VPS8: variants seen among roughly 807,000 people sequenced by gnomAD.
VPS8 encodes vacuolar protein sorting-associated protein 8 homolog.
In VPS8, 129 loss-of-function variants were observed where a neutral mutation model predicts 216.4. The ratio of observed to expected loss-of-function variants is 0.60; its 90% confidence interval spans 0.52 to 0.69. The LOEUF (loss-of-function observed/expected upper bound fraction) is 0.69. Among genes scored for constraint, VPS8 ranks in the 30% least tolerant of loss-of-function variants. The probability of loss-of-function intolerance (pLI) is 0.00; values close to 1 mark genes in which losing one functional copy is unlikely to be tolerated. For synonymous variants in VPS8, 571 were observed against 565.4 expected (o/e 1.01, Z -0.14); for missense variants, 1,531 against 1,683.5 (o/e 0.91, Z 1.59).
chr3:185,020,116 G>A (rs2110055099), intron 45 of VPS8, among the ~76,000 whole-genome samples: 1 of 152,274 alleles, frequency 6.6e-6, no homozygotes, highest in East Asian at 1.9e-4. Context: ...TCAAGTTTGT[G>A]TGCCAAATAT....
At chr3:185,004,208 G>A (rs1364486154) in intron 45 of VPS8, among the ~76,000 whole-genome samples, 2 of 152,074 alleles carry the variant, frequency 1.3e-5, no homozygotes, top group Non-Finnish European at 1.5e-5. Flanking sequence ...GTGAGTGAAC[G>A]AGACTCCGTC....
In VPS8 at chr3:184,976,049, A is replaced by G. The variant is rs528365510; in HGVS notation, c.3420+4297A>G. On this transcript the variant is annotated intron_variant, in intron 40 of 47. Transcript: ENST00000625842. ...ATCTATTGTTCCCATCATTACGTCC[A>G]TGTATACCCAATGTTTAGCTCCCAT... 4.0e-4 allele frequency among the ~76,000 whole-genome samples: 61 copies of G among 152,222 alleles called. 2 individuals carry two copies. The highest frequency in any genetic ancestry group is 2.9e-3 in the South Asian group (14 of 4,828).
chr3:184,890,954 A>G (rs1732227015), intron 22 of VPS8, among the ~76,000 whole-genome samples: 1 of 152,028 alleles, frequency 6.6e-6, no homozygotes, highest in African/African-American at 2.4e-5. Context: ...CATTTTACCT[A>G]TGCAAAATAT....
intron 28 of VPS8, among the ~76,000 whole-genome samples, chr3:184,915,976 T>C (rs976938054): frequency 6.6e-6 from 1 of 152,020 alleles, no homozygotes; most frequent in African/African-American, 2.4e-5. Context: ...TCCCTCTTCC[T>C]CCCTCCCTCC....
In VPS8 at chr3:184,922,717, C is replaced by T. The variant is rs182530605; in HGVS notation, c.2455-2145C>T. ...GGTTAAAGTGTACTTGTGAGGGATC[C>T]GGTGAGAGGAGGAGTATAGGCAGTG... On this transcript the variant is annotated intron_variant, in intron 29 of 47. Transcript: ENST00000625842. Among the ~76,000 whole-genome samples, 110 of 151,958 alleles carry T rather than the reference C, an allele frequency of 7.2e-4. 1 individual carries two copies. The highest frequency in any genetic ancestry group is 2.5e-3 in the African/African-American group (103 of 41,432).
intron 16 of VPS8, among the ~76,000 whole-genome samples, chr3:184,863,426 AAGG>A (rs1726744547): frequency 6.6e-6 from 1 of 152,218 alleles, no homozygotes; most frequent in Non-Finnish European, 1.5e-5. Flanking sequence ...TGATAGATTT[AAGG>A]GATAAATAAC....
At chr3:185,022,203 G>A (rs1293583053) in intron 45 of VPS8, among the ~76,000 whole-genome samples, 3 of 152,118 alleles carry the variant, frequency 2.0e-5, no homozygotes, top group African/African-American at 4.8e-5. Flanking sequence ...AAAGAAGGAC[G>A]TATTTGCTTC....
chr3:184,870,838 C>G, intron 21 of VPS8, 33 bp downstream of exon 21: 7 of 1,554,204 alleles, frequency 4.5e-6, no homozygotes, highest in Non-Finnish European at 6.2e-6. Flanking sequence ...GTAGACGATG[C>G]TCTGGATAGG....
chr3:185,041,609 T>C (rs1198358656), intron 46 of VPS8, among the ~76,000 whole-genome samples: 1 of 152,206 alleles, frequency 6.6e-6, no homozygotes, highest in Non-Finnish European at 1.5e-5. Context: ...ATGGCAGTTA[T>C]CTTCTTTCTC....
rs1051585623 is a variant in VPS8, at chr3:184,834,563, G to C, written c.354-86G>C. The C allele has an allele frequency of 2.7e-5, 27 of 991,326 alleles. No homozygotes were observed. In the Admixed American group the frequency reaches 4.5e-4, roughly 17 times the overall value. The allele number at this position is 991,326 out of a possible 1,614,324, so 61.4% of individuals were successfully genotyped here. ...TACAATGTTGTCTTCTGCTTTTTGT[G>C]CGTGTGTGTTTTCTTTCAAAGCTTT... is the stretch of plus-strand genomic sequence containing the variant. On this transcript the variant is annotated intron_variant, in intron 4 of 47. Transcript: ENST00000625842.
rs775263180 is a variant in VPS8 at position 184,855,710 on chromosome 3, G to C, written c.1036-1G>C. On this transcript the variant is annotated splice_acceptor_variant, in intron 13 of 47. Coordinates refer to ENST00000625842, the MANE Select transcript of VPS8 (RefSeq NM_001009921.3). LOFTEE classifies it high-confidence loss of function. ...TTTTTTTTTTCCATCTCCCTACTTA[G>C]ATGGATCCTTCCAGTGTGCCACTGC... 1 of 1,609,836 alleles carries C rather than the reference G, an allele frequency of 6.2e-7. No individual in the cohort carries two copies. Among genetic ancestry groups the C allele is most frequent in the South Asian group, 1.1e-5 (1 of 90,208 alleles).
chr3:184,826,089 A>T, intron 2 of VPS8, 74 bp from the exon 3 acceptor site: 2 of 1,061,750 alleles, frequency 1.9e-6, no homozygotes, highest in Non-Finnish European at 2.7e-6. Context: ...TGGTGGTTTT[A>T]ATCAACTAAA....
intron 38 of VPS8, among the ~76,000 whole-genome samples, chr3:184,966,262 G>C (rs905104474): frequency 2.0e-5 from 3 of 152,064 alleles, no homozygotes; most frequent in African/African-American, 7.2e-5. Context: ...TACCACAGAG[G>C]GGCGCACCAA....
At chr3:184,831,373 A>G (rs923480780) in intron 3 of VPS8, among the ~76,000 whole-genome samples, 4 of 152,250 alleles carry the variant, frequency 2.6e-5, no homozygotes, top group African/African-American at 4.8e-5. Context: ...AAAGCAGGCC[A>G]GTGGATTTGG....
chr3:184,839,392 G>T, intron 6 of VPS8: 1 of 297,464 alleles, frequency 3.4e-6, no homozygotes, highest in Non-Finnish European at 6.2e-6. Context: ...CTCTTACTTT[G>T]CCTGGATCCC....
chr3:184,963,574 A>G (rs1746901511), intron 37 of VPS8, among the ~76,000 whole-genome samples: 1 of 152,096 alleles, frequency 6.6e-6, no homozygotes, highest in Non-Finnish European at 1.5e-5. Context: ...TTTTTATGAC[A>G]ATAAGAAGAA....
At chr3:185,044,449 A>G (rs6777111) in intron 46 of VPS8, among the ~76,000 whole-genome samples, 79,783 of 151,962 alleles carry the variant, frequency 0.53, 21,894 homozygotes, top group African/African-American at 0.68. Flanking sequence ...TGTAACAGTG[A>G]CTGGCACATG....
chr3:184,841,095 G>A (rs912946949), intron 7 of VPS8, among the ~76,000 whole-genome samples: 1 of 152,114 alleles, frequency 6.6e-6, no homozygotes, highest in Non-Finnish European at 1.5e-5. Flanking sequence ...GGGACCAGAA[G>A]AGTAGAAACA....
At chr3:184,968,441 T>C (rs9814698) in intron 39 of VPS8, among the ~76,000 whole-genome samples, 135,341 of 152,238 alleles carry the variant, frequency 0.89, 61,550 homozygotes, top group Non-Finnish European at 0.98. Context: ...TGTTAATTTT[T>C]TGAGGAATGG....
Sources: allele counts gnomAD v4.1 joint callset (sites outside exome capture counted in the v4.1 genomes callset), GRCh38; gene constraint gnomAD v4.1.1; transcripts MANE v1.5; gene names NCBI Gene and HGNC (gene_info 2026-07-23, HGNC 2026-07-21).